PDE5A: variants seen among roughly 807,000 people sequenced by gnomAD.
PDE5A encodes the protein cGMP-specific 3',5'-cyclic phosphodiesterase.
PDE5A carries 67 observed loss-of-function variants against 110.2 expected under a neutral mutation model. The ratio of observed to expected loss-of-function variants is 0.61; its 90% CI spans 0.50 to 0.75. The LOEUF is 0.75. Among genes scored for constraint, PDE5A ranks in the 30% least tolerant of loss-of-function variants. The probability of loss-of-function intolerance (pLI) is 0.00; values close to 1 mark genes in which losing one functional copy is unlikely to be tolerated. For synonymous variants in PDE5A, 328 were observed against 351.2 expected (o/e 0.93, Z 0.74); for missense variants, 862 against 1,045.1 (o/e 0.82, Z 2.42).
intron 6 of PDE5A, among the ~76,000 whole-genome samples, chr4:119,561,552 G>A (rs1662596548): frequency 6.6e-6 from 1 of 152,202 alleles, no homozygotes; most frequent in South Asian, 2.1e-4. Context: ...AAAAAAAGGA[G>A]TGCTTCACAT....
chr4:119,586,476 T>TA, intron 3 of PDE5A, among the ~76,000 whole-genome samples: 1 of 152,338 alleles, frequency 6.6e-6, no homozygotes, highest in Admixed American at 6.5e-5. Flanking sequence ...TATGGAATCT[T>TA]AGACATTAAT....
At chr4:119,553,481 A>G (rs1475452166) in intron 8 of PDE5A, among the ~76,000 whole-genome samples, 157 bp downstream of exon 8, 2 of 152,130 alleles carry the variant, frequency 1.3e-5, no homozygotes, top group Admixed American at 1.3e-4. Flanking sequence ...AATAGATGTT[A>G]TGATCTATTT....
At chr4:119,593,865 A>G (rs1291281945) in intron 3 of PDE5A, among the ~76,000 whole-genome samples, 1 of 152,152 alleles carries the variant, frequency 6.6e-6, no homozygotes, top group Admixed American at 6.5e-5. Context: ...TCATGGCAGA[A>G]GGCAAAGGAG....
chr4:119,542,193 C>T (rs1726955337), intron 10 of PDE5A, among the ~76,000 whole-genome samples: 1 of 152,136 alleles, frequency 6.6e-6, no homozygotes, highest in Non-Finnish European at 1.5e-5. Context: ...GTCAATATTG[C>T]TTTCTGCAGA....
chr4:119,596,648 C>G, intron 2 of PDE5A, 36 bp from the exon 3 acceptor site: 2 of 1,174,808 alleles, frequency 1.7e-6, no homozygotes, highest in Non-Finnish European at 2.5e-6. Flanking sequence ...TAATGACTGA[C>G]CTGTTCAAAG....
At chr4:119,628,149 A>T (rs1299954854) in intron 1 of PDE5A, 1 of 475,702 alleles carries the variant, frequency 2.1e-6, no homozygotes, top group African/African-American at 2.1e-5. Flanking sequence ...AGCTGCAGGG[A>T]AGGGGCTCAG....
chr4:119,555,882 A>G (rs1278562010), intron 7 of PDE5A, among the ~76,000 whole-genome samples: 1 of 152,198 alleles, frequency 6.6e-6, no homozygotes, highest in Non-Finnish European at 1.5e-5. Flanking sequence ...AGATTTATTA[A>G]AGTTACATGA....
chr4:119,561,387 C>T (rs897887047), intron 6 of PDE5A, among the ~76,000 whole-genome samples: 44 of 152,116 alleles, frequency 2.9e-4, no homozygotes, highest in African/African-American at 1.0e-3. Context: ...AATCCTACAA[C>T]TTAAGTAGTC....
chr4:119,535,534 T>C (rs1726698671), intron 11 of PDE5A, among the ~76,000 whole-genome samples: 1 of 152,176 alleles, frequency 6.6e-6, no homozygotes, highest in Admixed American at 6.6e-5. Context: ...ATTCTGATAA[T>C]TAATTAACTT....
intron 3 of PDE5A, among the ~76,000 whole-genome samples, chr4:119,592,573 G>A (rs937949307): frequency 1.3e-5 from 2 of 149,876 alleles, no homozygotes; most frequent in African/African-American, 4.9e-5. Flanking sequence ...AATGTTTCAA[G>A]TTTTAGATTA....
intron 11 of PDE5A, among the ~76,000 whole-genome samples, chr4:119,533,285 C>T (rs1449338049): frequency 6.6e-6 from 1 of 152,174 alleles, no homozygotes; most frequent in Non-Finnish European, 1.5e-5. Context: ...CTGACCACCA[C>T]TCCTACCTCA....
In PDE5A at chr4:119,607,044, G is replaced by A. The variant is rs201954719; in HGVS notation, c.406C>T (p.Leu136=). 25 of 1,614,210 alleles carry A rather than the reference G, an allele frequency of 1.5e-5. No individual in the cohort carries two copies. The South Asian group carries it at 2.5e-4, about 16-fold the overall frequency. Residue 136 remains leucine (L), a synonymous_variant, in exon 2 of 21, where the codon CTA becomes TTA. Coordinates refer to ENST00000354960, the MANE Select transcript of PDE5A (RefSeq NM_001083.4). ...TCATGATCAAACCTTGGAGGGGTTA[G>A]AGGCATCTGTTCCTTCTTTTCTGAG... is the stretch of plus-strand genomic sequence containing the variant. ...SDSEKKEQMP[L]TPPRFDHDEG... is the part of the protein sequence containing the mutation.
chr4:119,571,008 T>C (rs1728122823), intron 3 of PDE5A, among the ~76,000 whole-genome samples: 1 of 152,330 alleles, frequency 6.6e-6, no homozygotes, highest in Middle Eastern at 3.4e-3. Context: ...TAAGTGCCTT[T>C]ATGTACCAGT....
chr4:119,541,747 G>T (rs1232161702), intron 10 of PDE5A: 5 of 152,060 alleles, frequency 3.3e-5, no homozygotes, highest in African/African-American at 9.7e-5. Context: ...ATATAGAAAG[G>T]ACTGACCCTG....
chr4:119,609,034 C>A (rs907249064), intron 1 of PDE5A, among the ~76,000 whole-genome samples: 1 of 151,866 alleles, frequency 6.6e-6, no homozygotes, highest in Non-Finnish European at 1.5e-5. Flanking sequence ...TGGTGGCGGG[C>A]GCCTGTAGTC....
intron 1 of PDE5A, among the ~76,000 whole-genome samples, chr4:119,622,310 T>C (rs571793137): frequency 1.3e-5 from 2 of 152,336 alleles, no homozygotes; most frequent in East Asian, 1.9e-4. Context: ...ATTTTCAGTA[T>C]AGGTATTCAA....
chr4:119,620,632 A>G (rs1210548081), intron 1 of PDE5A, among the ~76,000 whole-genome samples: 2 of 152,196 alleles, frequency 1.3e-5, no homozygotes, highest in African/African-American at 2.4e-5. Context: ...TGTTTTGAAG[A>G]TCTTTACTTT....
chr4:119,498,510 T>C lies in PDE5A; in HGVS notation c.*91A>G, dbSNP rs1239920019. 4.2e-6 allele frequency: 6 copies of C among 1,419,054 alleles called. No individual in the cohort carries two copies. Among genetic ancestry groups the C allele is most frequent in the African/African-American group, 1.4e-5 (1 of 70,100 alleles). 87.9% of individuals were successfully genotyped at this position (1,419,054 alleles called of 1,614,324 possible). On this transcript the variant is annotated 3_prime_UTR_variant, in exon 21 of 21. Coordinates refer to ENST00000354960, the MANE Select transcript of PDE5A (RefSeq NM_001083.4). ...CAGCAGTGGCAAAGTATATACCAAA[T>C]ACAGACACTATACAGACAGTGTGTA...
chr4:119,607,310 A>C lies in PDE5A; in HGVS notation c.153-13T>G, dbSNP rs753014718. ...ATTGACCATTTCTCTGCAGAACAGA[A>C]CGTGCAGACACATTAGATACTTGAA... On this transcript the variant is annotated splice_polypyrimidine_tract_variant and intron_variant, in intron 1 of 20. Coordinates refer to ENST00000354960, the MANE Select transcript of PDE5A (RefSeq NM_001083.4). 1 of 1,553,476 alleles carries C rather than the reference A, an allele frequency of 6.4e-7. No individual in the cohort carries two copies. The highest frequency in any genetic ancestry group is 1.4e-5 in the African/African-American group (1 of 74,002).
Sources: gnomAD v4.1 joint callset for allele counts (sites outside exome capture counted in the v4.1 genomes callset) on GRCh38, gnomAD v4.1.1 for gene constraint, MANE v1.5 for transcripts, NCBI Gene and HGNC (gene_info 2026-07-23, HGNC 2026-07-21) for gene names.